SORCS3: variants seen among roughly 807,000 people sequenced by gnomAD.
SORCS3 encodes sortilin related VPS10 domain containing receptor 3.
In SORCS3, 57 loss-of-function variants were observed where a neutral mutation model predicts 146.3. The observed-to-expected ratio is 0.39, with a 90% CI of 0.31 to 0.49. The LOEUF is 0.49. SORCS3 is among the 20% of genes least tolerant of loss of function. The probability of loss-of-function intolerance (pLI) is 0.92; values close to 1 mark genes in which losing one functional copy is unlikely to be tolerated. For synonymous variants in SORCS3, 653 were observed against 618.5 expected, an observed-to-expected ratio of 1.06 and a Z score of -0.83; for missense variants, 1,341 against 1,575.5, an observed-to-expected ratio of 0.85 and a Z score of 2.52.
Position 105,136,677 on chromosome 10 carries a change from G to A in SORCS3, c.1213-2720G>A, listed in dbSNP as rs1391957524. Among the ~76,000 whole-genome samples the A allele has an allele frequency of 3.3e-5, 5 of 152,264 alleles. No homozygotes were observed. In the East Asian group the frequency reaches 9.7e-4, roughly 29 times the overall value. ...TCAAAAACCCTTCCATGAACTCATA[G>A]GATTTACACTGAGGTTTAATGCATC... On this transcript the variant is annotated intron_variant, in intron 7 of 26. Transcript: ENST00000369701.
intron 4 of SORCS3, among the ~76,000 whole-genome samples, chr10:105,017,205 A>G (rs370705777): frequency 1.1e-4 from 17 of 152,052 alleles, no homozygotes; most frequent in East Asian, 7.8e-4. Flanking sequence ...TGATTATACA[A>G]TTGGGGTTTG....
rs187618668 is a variant in SORCS3, at chr10:104,738,983, G to A, written c.627+97029G>A. ...TGAGCTGCAGAGATGAATGTTTCAA[G>A]GTTTTCTCTGGTGGTCTCTTTGAGG... On this transcript the variant is annotated intron_variant, in intron 1 of 26. Coordinates refer to ENST00000369701, the MANE Select transcript of SORCS3 (RefSeq NM_014978.3). Among the ~76,000 whole-genome samples the A allele has an allele frequency of 5.3e-5, 8 of 152,278 alleles. No homozygotes were observed. In the East Asian group the frequency reaches 1.5e-3, roughly 29 times the overall value.
chr10:104,781,313 G>A (rs993254681), intron 1 of SORCS3, among the ~76,000 whole-genome samples: 4 of 152,204 alleles, frequency 2.6e-5, no homozygotes, highest in Non-Finnish European at 5.9e-5. Flanking sequence ...CCATGGCCAG[G>A]ACTTGTCCCA....
chr10:105,017,117 A>G (rs1479862980), intron 4 of SORCS3, among the ~76,000 whole-genome samples: 1 of 151,852 alleles, frequency 6.6e-6, no homozygotes, highest in African/African-American at 2.4e-5. Context: ...TTGGGTAATT[A>G]TCAAAGTTAT....
intron 1 of SORCS3, among the ~76,000 whole-genome samples, chr10:104,727,486 A>C (rs1417020835): frequency 6.6e-6 from 1 of 151,842 alleles, no homozygotes; most frequent in East Asian, 1.9e-4. Flanking sequence ...TTTAAAAAAA[A>C]CTTGGATCTT....
intron 3 of SORCS3, among the ~76,000 whole-genome samples, chr10:104,974,917 C>T (rs2054885770): frequency 6.6e-6 from 1 of 152,016 alleles, no homozygotes; most frequent in South Asian, 2.1e-4. Flanking sequence ...TCAGCATTTG[C>T]TTGTCTGTAA....
chr10:104,725,647 T>C (rs2016619274), intron 1 of SORCS3, among the ~76,000 whole-genome samples: 1 of 152,086 alleles, frequency 6.6e-6, no homozygotes, highest in Non-Finnish European at 1.5e-5. Flanking sequence ...CCTGGCTGCT[T>C]TGTTTACCTA....
At chr10:105,042,658 A>G (rs926285411) in intron 4 of SORCS3, among the ~76,000 whole-genome samples, 1 of 152,170 alleles carries the variant, frequency 6.6e-6, no homozygotes. Flanking sequence ...TAGATGATCT[A>G]TAGAGCAGTA....
At chr10:104,750,564 T>C (rs766585332) in intron 1 of SORCS3, among the ~76,000 whole-genome samples, 4 of 152,208 alleles carry the variant, frequency 2.6e-5, no homozygotes, top group East Asian at 1.9e-4. Flanking sequence ...TTGGTGAAGA[T>C]ACTGATGGCA....
intron 1 of SORCS3, among the ~76,000 whole-genome samples, chr10:104,782,450 A>G (rs943299099): frequency 2.0e-5 from 3 of 152,136 alleles, no homozygotes; most frequent in African/African-American, 7.2e-5. Context: ...ACCTGGGAGG[A>G]TGACACAGTA....
intron 1 of SORCS3, among the ~76,000 whole-genome samples, chr10:104,827,590 TG>T (rs1179894608): frequency 6.6e-6 from 1 of 152,142 alleles, no homozygotes; most frequent in Non-Finnish European, 1.5e-5. Flanking sequence ...CAGAGGAGAT[TG>T]AGCATAATTC....
chr10:105,124,022 A>G (rs1049704312), intron 7 of SORCS3, among the ~76,000 whole-genome samples: 2 of 152,218 alleles, frequency 1.3e-5, no homozygotes, highest in Admixed American at 6.5e-5. Flanking sequence ...ACTAGGTCCT[A>G]TTAAGCGATC....
intron 25 of SORCS3, among the ~76,000 whole-genome samples, chr10:105,257,366 A>G (rs1461879161): frequency 2.0e-5 from 3 of 152,184 alleles, no homozygotes; most frequent in Admixed American, 6.5e-5. Context: ...TGTTGCAGCT[A>G]TTCAGCATCT....
intron 2 of SORCS3, among the ~76,000 whole-genome samples, chr10:104,850,108 A>C (rs973498725): frequency 1.3e-5 from 2 of 152,196 alleles, no homozygotes; most frequent in African/African-American, 4.8e-5. Context: ...GCCTAAGCCC[A>C]TTGAAGAGCT....
intron 7 of SORCS3, among the ~76,000 whole-genome samples, chr10:105,133,555 C>A (rs2056036707): frequency 6.6e-6 from 1 of 152,192 alleles, no homozygotes; most frequent in Non-Finnish European, 1.5e-5. Context: ...CTTCAGTTTT[C>A]TGACCTGTAT....
intron 20 of SORCS3, among the ~76,000 whole-genome samples, chr10:105,228,823 AAAG>A (rs1332321462): frequency 1.3e-5 from 2 of 152,218 alleles, no homozygotes; most frequent in Admixed American, 1.3e-4. Context: ...AATGTGGCAT[AAAG>A]AAGATCTTTT....
At chr10:104,831,243 A>C (rs1258278878) in intron 1 of SORCS3, among the ~76,000 whole-genome samples, 1 of 152,206 alleles carries the variant, frequency 6.6e-6, no homozygotes, top group African/African-American at 2.4e-5. Flanking sequence ...TTGTAGACCT[A>C]TTACAATCCT....
chr10:105,245,685 C>A lies in SORCS3; in HGVS notation c.2992+20C>A, dbSNP rs1404001214. On this transcript the variant is annotated intron_variant, in intron 21 of 26. Transcript: ENST00000369701. ...TTCATGGTAAGCCCTGAAAATTGTT[C>A]TGTGATGCTCCTTCCCGCTCAGTTA... 10 of 1,612,768 alleles carry A rather than the reference C, an allele frequency of 6.2e-6. No individual in the cohort carries two copies. In the Admixed American group the frequency reaches 1.7e-4, roughly 27 times the overall value.
chr10:105,122,285 A>G (rs2055939327), intron 7 of SORCS3, among the ~76,000 whole-genome samples: 1 of 152,196 alleles, frequency 6.6e-6, no homozygotes, highest in Non-Finnish European at 1.5e-5. Context: ...CTCTATGACC[A>G]GCTAATGGAG....
Sources: allele counts gnomAD v4.1 joint callset (sites outside exome capture counted in the v4.1 genomes callset), GRCh38; gene constraint gnomAD v4.1.1; transcripts MANE v1.5; gene names NCBI Gene and HGNC (gene_info 2026-07-23, HGNC 2026-07-21).